The following PHACTR1 variants were observed in gnomAD, a reference collection of about 807,000 sequenced individuals.
PHACTR1 encodes phosphatase and actin regulator 1, also known as RPEL repeat containing 1.
Under a neutral mutation model 69.2 loss-of-function variants are expected in PHACTR1, and 16 were observed. The ratio of observed to expected loss-of-function variants is 0.23; its 90% confidence interval spans 0.16 to 0.35. The LOEUF is 0.35. Ranked by LOEUF, PHACTR1 falls within the 10% of genes least tolerant of loss-of-function variation. PHACTR1 has a pLI of 1.00. For missense variants in PHACTR1, 510 were observed against 734.7 expected, an observed-to-expected ratio of 0.69 and a Z score of 3.54; for synonymous variants, 312 against 284.5, an observed-to-expected ratio of 1.10 and a Z score of -0.97.
At chr6:13,259,397 T>A (rs1443078764) in intron 10 of PHACTR1, among the ~76,000 whole-genome samples, 1 of 152,186 alleles carries the variant, frequency 6.6e-6, no homozygotes, top group Non-Finnish European at 1.5e-5. Context: ...CCAGCAATAT[T>A]ACAATACTTT....
chr6:12,989,358 G>T (rs1443047922), intron 4 of PHACTR1, among the ~76,000 whole-genome samples: 1 of 152,186 alleles, frequency 6.6e-6, no homozygotes, highest in Non-Finnish European at 1.5e-5. Flanking sequence ...ATGCTTCAGG[G>T]TCACTGAGGG....
At chr6:12,829,512 C>T (rs575058246) in intron 4 of PHACTR1, among the ~76,000 whole-genome samples, 4 of 152,238 alleles carry the variant, frequency 2.6e-5, no homozygotes, top group East Asian at 1.9e-4. Context: ...GCTTTAGAAA[C>T]GTTGACTGGC....
chr6:12,869,615 C>T (rs891473416), intron 4 of PHACTR1, among the ~76,000 whole-genome samples: 4 of 152,166 alleles, frequency 2.6e-5, no homozygotes, highest in Non-Finnish European at 5.9e-5. Context: ...CATTGCAAAC[C>T]AGTCCTCCTC....
intron 4 of PHACTR1, among the ~76,000 whole-genome samples, chr6:12,955,623 T>C (rs1340658320): frequency 6.6e-6 from 1 of 152,210 alleles, no homozygotes; most frequent in Non-Finnish European, 1.5e-5. Context: ...GATGAATGTC[T>C]CACCACCTGA....
chr6:13,118,585 T>C (rs1302080176), intron 5 of PHACTR1, among the ~76,000 whole-genome samples: 1 of 151,410 alleles, frequency 6.6e-6, no homozygotes, highest in African/African-American at 2.4e-5. Context: ...TTCAAGCTAT[T>C]CTTCTGCCTC....
chr6:13,251,881 C>T (rs914594688), intron 10 of PHACTR1, among the ~76,000 whole-genome samples: 3 of 151,850 alleles, frequency 2.0e-5, no homozygotes, highest in Admixed American at 1.3e-4. Context: ...ATAGCAAGAT[C>T]CCCATCTCTA....
chr6:12,979,690 T>G (rs1243645282), intron 4 of PHACTR1, among the ~76,000 whole-genome samples: 1 of 150,860 alleles, frequency 6.6e-6, no homozygotes, highest in African/African-American at 2.4e-5. Flanking sequence ...GGACCTCCAA[T>G]GCAGTGAGTT....
chr6:13,263,238 G>GTTTTTTTTTTTTTT (rs57164668), intron 10 of PHACTR1, among the ~76,000 whole-genome samples: 2 of 84,272 alleles, frequency 2.4e-5, no homozygotes, highest in African/African-American at 4.1e-5. Context: ...GGCTTTTAGT[G>GTTTTTTTTTTTTTT]TTTTTTTTTT....
chr6:12,967,521 GGA>G (rs1277075909), intron 4 of PHACTR1, among the ~76,000 whole-genome samples: 1 of 152,166 alleles, frequency 6.6e-6, no homozygotes, highest in Non-Finnish European at 1.5e-5. Context: ...CTGAAACCAG[GGA>G]GAGAGAGAAA....
chr6:12,750,305 G>A (rs1766447455), intron 4 of PHACTR1, among the ~76,000 whole-genome samples: 1 of 152,202 alleles, frequency 6.6e-6, no homozygotes, highest in African/African-American at 2.4e-5. Context: ...GGAAGCTACC[G>A]TGCTGGTCAT....
intron 4 of PHACTR1, among the ~76,000 whole-genome samples, chr6:12,800,390 ATTT>A (rs1398805069): frequency 5.3e-5 from 8 of 152,146 alleles, no homozygotes; most frequent in African/African-American, 1.4e-4. Context: ...GACTAACTTT[ATTT>A]TTTCAGTATT....
intron 6 of PHACTR1, among the ~76,000 whole-genome samples, chr6:13,163,038 A>G (rs374064051): frequency 6.6e-6 from 1 of 152,284 alleles, no homozygotes; most frequent in East Asian, 1.9e-4. Context: ...TGAGGTCAGG[A>G]GTTCGAGACC....
intron 4 of PHACTR1, among the ~76,000 whole-genome samples, chr6:12,899,824 T>C (rs1785013544): frequency 6.6e-6 from 1 of 152,216 alleles, no homozygotes; most frequent in South Asian, 2.1e-4. Flanking sequence ...TGGCATGAGC[T>C]CACTGCGCAG....
In PHACTR1 at chr6:13,245,554, T is replaced by C. The variant is rs187804350; in HGVS notation, c.1391+15361T>C. The stretch of plus-strand genomic sequence containing the variant: ...TAAGTTTCTTATAGATGCTGGATAT[T>C]AGACCTTTGTTGGACGTATAGTTTG... On this transcript the variant is annotated intron_variant, in intron 10 of 14. Coordinates refer to ENST00000332995, the MANE Select transcript of PHACTR1 (RefSeq NM_030948.6). The surrounding 1 kb of genome is among the most constrained non-coding windows in gnomAD (Gnocchi z 4.1). 1.1e-4 allele frequency among the ~76,000 whole-genome samples: 17 copies of C among 152,348 alleles called. No homozygotes were observed. Among genetic ancestry groups the C allele is most frequent in the South Asian group, 6.2e-4 (3 of 4,830 alleles).
chr6:12,843,844 G>A (rs929885925), intron 4 of PHACTR1, among the ~76,000 whole-genome samples: 2 of 152,182 alleles, frequency 1.3e-5, no homozygotes, highest in Admixed American at 1.3e-4. Context: ...GGTCAAGTCT[G>A]TATTAATATT....
chr6:12,778,176 A>G (rs1356295882), intron 4 of PHACTR1, among the ~76,000 whole-genome samples: 2 of 152,264 alleles, frequency 1.3e-5, no homozygotes, highest in African/African-American at 2.4e-5. Flanking sequence ...CATAACAAAC[A>G]TGTTAAGCAT....
chr6:12,829,998 A>AGAGAGAGAGAG (rs1777259693), intron 4 of PHACTR1, among the ~76,000 whole-genome samples: 3 of 91,218 alleles, frequency 3.3e-5, no homozygotes, highest in Admixed American at 1.1e-4. Context: ...GAGAGAGAGA[A>AGAGAGAGAGAG]CGAAAAGAAG....
At chr6:12,737,477 G>C (rs1315490861) in intron 3 of PHACTR1, among the ~76,000 whole-genome samples, 1 of 151,800 alleles carries the variant, frequency 6.6e-6, no homozygotes, top group Non-Finnish European at 1.5e-5. Context: ...GTATGATTGC[G>C]TGTGTGTATT....
chr6:12,891,904 G>A (rs1445815331), intron 4 of PHACTR1, among the ~76,000 whole-genome samples: 1 of 152,140 alleles, frequency 6.6e-6, no homozygotes, highest in Non-Finnish European at 1.5e-5. Flanking sequence ...TGTAAAACAG[G>A]GATAATAATA....
Sources: allele counts gnomAD v4.1 joint callset (sites outside exome capture counted in the v4.1 genomes callset), GRCh38; gene constraint gnomAD v4.1.1; non-coding constraint Gnocchi (gnomAD v3.1); transcripts MANE v1.5; gene names NCBI Gene and HGNC (gene_info 2026-07-23, HGNC 2026-07-21).